The following MTM1 variants were observed in gnomAD, a reference collection of about 807,000 sequenced individuals.
MTM1 encodes myotubularin.
A neutral mutation model predicts 52.1 loss-of-function variants in MTM1; 9 were observed. The ratio of observed to expected loss-of-function variants is 0.17; its 90% CI spans 0.10 to 0.30. MTM1 has a LOEUF of 0.30. Ranked by LOEUF, MTM1 falls within the 10% of genes least tolerant of loss-of-function variation. The pLI, the probability that MTM1 is intolerant of heterozygous loss-of-function variation, is 1.00. For synonymous variants in MTM1, 136 were observed against 163.8 expected, an observed-to-expected ratio of 0.83 and a Z score of 1.29; for missense variants, 277 against 470.7, an observed-to-expected ratio of 0.59 and a Z score of 3.81.
At chrX:150,611,647 G>C (rs781893700) in intron 4 of MTM1, among the ~76,000 whole-genome samples, 3 of 111,754 alleles carry the variant, frequency 2.7e-5, no homozygotes, top group Non-Finnish European at 5.6e-5. Flanking sequence ...AATTTTAGCA[G>C]TATTTTTCCC....
intron 1 of MTM1, among the ~76,000 whole-genome samples, chrX:150,588,558 C>T (rs1265500581): frequency 2.7e-5 from 3 of 111,628 alleles, no homozygotes; most frequent in Non-Finnish European, 5.6e-5. Context: ...TCATATTCAA[C>T]AGAAAAGGAA....
intron 11 of MTM1, among the ~76,000 whole-genome samples, chrX:150,658,693 T>C (rs1296029632): frequency 9.0e-6 from 1 of 111,595 alleles, no homozygotes; most frequent in Non-Finnish European, 1.9e-5. Flanking sequence ...CCTCTGAATA[T>C]ACATTTTGAC....
chrX:150,615,909 T>C (rs2039376838), intron 5 of MTM1, among the ~76,000 whole-genome samples: 1 of 111,333 alleles, frequency 9.0e-6, no homozygotes, highest in Non-Finnish European at 1.9e-5. Flanking sequence ...CCAGCTACTG[T>C]CTACCCTTTG....
intron 1 of MTM1, among the ~76,000 whole-genome samples, chrX:150,576,055 G>A (rs782604388): frequency 3.6e-4 from 40 of 111,622 alleles, no homozygotes; most frequent in Non-Finnish European, 5.1e-4. Context: ...AACTAAGTTT[G>A]TATTGCTGGG....
chrX:150,632,928 A>G (rs2039694226), intron 6 of MTM1, among the ~76,000 whole-genome samples: 1 of 110,916 alleles, frequency 9.0e-6, no homozygotes, highest in Non-Finnish European at 1.9e-5. Context: ...ACAGATGACC[A>G]CATAGATCCA....
At chrX:150,564,422 C>T (rs1347720039), upstream of MTM1, among the ~76,000 whole-genome samples, 2 of 111,342 alleles carry the variant, frequency 1.8e-5, no homozygotes, top group Non-Finnish European at 3.8e-5. Flanking sequence ...CTCACTCTGT[C>T]GCCAGGCTGG....
chrX:150,661,165 A>G (rs1301801997), intron 13 of MTM1, among the ~76,000 whole-genome samples: 3 of 110,599 alleles, frequency 2.7e-5, no homozygotes, highest in Non-Finnish European at 5.7e-5. Flanking sequence ...GTGGGACCAC[A>G]GGTGCACACC....
intron 4 of MTM1, among the ~76,000 whole-genome samples, chrX:150,607,715 GC>G (rs1288652477): frequency 1.8e-5 from 2 of 111,140 alleles, no homozygotes; most frequent in African/African-American, 6.6e-5. Flanking sequence ...CAATTCTCTA[GC>G]TCCAGTTCCA....
At position 150,663,612 on chromosome X, in the gene MTM1, A is replaced by G. The variant is rs1470047148; in HGVS notation, c.1644+3A>G. ...GGAACCCCAGGATCAAGCAACAAGT[A>G]AGTGAAGTAGCACTGTTAAAAGATA... On this transcript the variant is annotated splice_donor_region_variant and intron_variant, in intron 14 of 14. Transcript: ENST00000370396. The G allele has an allele frequency of 1.7e-6, 2 of 1,199,707 alleles. No individual in the cohort carries two copies. Among genetic ancestry groups the G allele is most frequent in the Non-Finnish European group, 2.3e-6 (2 of 885,672 alleles).
At chrX:150,567,105 T>C (rs1300789247), upstream of MTM1, among the ~76,000 whole-genome samples, 4 of 110,545 alleles carry the variant, frequency 3.6e-5, no homozygotes, top group Non-Finnish European at 5.7e-5. Context: ...TCCAGGAGTT[T>C]GGCAAATCCA....
At chrX:150,581,522 C>T (rs1373401071) in intron 1 of MTM1, among the ~76,000 whole-genome samples, 2 of 111,767 alleles carry the variant, frequency 1.8e-5, no homozygotes, top group Non-Finnish European at 3.8e-5. Flanking sequence ...GACTCACAGA[C>T]ATGGATTTCA....
chrX:150,578,855 T>C (rs1403261966), intron 1 of MTM1, among the ~76,000 whole-genome samples: 1 of 109,502 alleles, frequency 9.1e-6, no homozygotes, highest in Non-Finnish European at 1.9e-5. Context: ...CAAGATTGTT[T>C]TGAATATTCT....
At chrX:150,589,760 TTTTTTTTAAGCAAAAAGCAC>T (rs1557412400) in intron 1 of MTM1, among the ~76,000 whole-genome samples, 1 of 109,377 alleles carries the variant, frequency 9.1e-6, no homozygotes, top group African/African-American at 3.3e-5. Context: ...CTTTTTTTTT[TTTTTTTTAAGCAAAAAGCAC>T]TTTATAACTG....
chrX:150,657,624 A>T (rs1557414491), intron 10 of MTM1, among the ~76,000 whole-genome samples, 197 bp from the exon 11 acceptor site: 1 of 111,663 alleles, frequency 9.0e-6, no homozygotes, highest in African/African-American at 3.3e-5. Context: ...TAATTTAAAA[A>T]AAAAAGAAGA....
chrX:150,571,647 A>G (rs1280389516), intron 1 of MTM1, among the ~76,000 whole-genome samples: 1 of 112,363 alleles, frequency 8.9e-6, no homozygotes, highest in African/African-American at 3.2e-5. Context: ...GTCTTAATAA[A>G]CTTTTGGAAT....
At chrX:150,611,973 T>C (rs1288432438) in intron 4 of MTM1, among the ~76,000 whole-genome samples, 1 of 112,149 alleles carries the variant, frequency 8.9e-6, no homozygotes, top group East Asian at 2.8e-4. Context: ...GGCAGGTGGA[T>C]GGCTTGAGCC....
intron 10 of MTM1, among the ~76,000 whole-genome samples, chrX:150,656,920 G>A (rs1557414439): frequency 8.9e-6 from 1 of 111,870 alleles, no homozygotes; most frequent in East Asian, 2.8e-4. Context: ...AAACCACAAT[G>A]AGATACCATC....
intron 4 of MTM1, among the ~76,000 whole-genome samples, chrX:150,610,123 T>A (rs1429701482): frequency 8.9e-6 from 1 of 112,070 alleles, no homozygotes; most frequent in East Asian, 2.8e-4. Flanking sequence ...ATCCATCCTT[T>A]AAGGATCATT....
intron 14 of MTM1, 62 bp downstream of exon 14, chrX:150,663,671 T>G: frequency 9.6e-7 from 1 of 1,043,650 alleles, no homozygotes; most frequent in Non-Finnish European, 1.3e-6. Flanking sequence ...ATAATGTTAT[T>G]TGGTATGGAT....
Sources: gnomAD v4.1 joint callset for allele counts (sites outside exome capture counted in the v4.1 genomes callset) on GRCh38, gnomAD v4.1.1 for gene constraint, MANE v1.5 for transcripts, NCBI Gene and HGNC (gene_info 2026-07-23, HGNC 2026-07-21) for gene names.